STK36: variants seen among roughly 807,000 people sequenced by gnomAD.
STK36 encodes the protein serine/threonine kinase 36, also known as serine/threonine-protein kinase 36.
Under a neutral mutation model 142.2 loss-of-function variants are expected in STK36, and 116 were observed. That is an observed-to-expected ratio of 0.82 (90% CI 0.70 to 0.95). The LOEUF (loss-of-function observed/expected upper bound fraction) is 0.95, where lower values mean the gene tolerates loss of function less well. Ranked by LOEUF, STK36 falls within the 40% of genes least tolerant of loss-of-function variation. STK36 has a pLI of 0.00. For synonymous variants in STK36, 619 were observed against 641.7 expected, an observed-to-expected ratio of 0.96 and a Z score of 0.53; for missense variants, 1,422 against 1,617.2, an observed-to-expected ratio of 0.88 and a Z score of 2.07.
At position 218,679,250 on chromosome 2, in the gene STK36, G is replaced by C; in HGVS notation, c.767G>C (p.Gly256Ala). Residue 256 changes from glycine (G) to alanine (A), a missense_variant, in exon 7 of 27, where the codon GGT (glycine) becomes GCT (alanine). By Grantham distance (60) the Gly-to-Ala change is moderately conservative. Transcript: ENST00000295709. The stretch of plus-strand genomic sequence containing the variant: ...CTCTTATATCACCCCTTTATTGCTG[G>C]TCATGTCACCAGTGAGTCATCAGGG... Reference protein sequence around the residue: ...PDLLYHPFIAGHVTIITEPAG... With the variant: ...PDLLYHPFIAAHVTIITEPAG... 1 of 1,614,126 alleles carries C rather than the reference G, an allele frequency of 6.2e-7. No individual in the cohort carries two copies.
Position 218,697,899 on chromosome 2 carries a change from C to T in STK36, c.2955C>T (p.Cys985=). 6.2e-7 allele frequency: 1 copy of T among 1,614,182 alleles called. No homozygotes were observed. The highest frequency in any genetic ancestry group is 1.1e-5 in the South Asian group (1 of 91,080). The part of the protein sequence containing the change: ...EFLPVVVLSV[C]QLLCFPFALD... ...TCCCTGTCGTGGTGCTCTCTGTCTG[C>T]CAGCTCCTTTGCTTCCCCTTTGCGC... is the stretch of plus-strand genomic sequence containing the variant. The change falls in exon 25 of 27, where the codon TGC becomes TGT. Residue 985 remains cysteine (C), a synonymous_variant. Transcript: ENST00000295709.
rs1464999490 is a variant in STK36, at chr2:218,694,921, AC to A, written c.2511+289del. On this transcript the variant is annotated intron_variant, in intron 21 of 26. Transcript: ENST00000295709. This position sits in a 1 kb window ranked among gnomAD's most constrained non-coding sequence, Gnocchi z 4.4. ...CCTGAGTTTTCTGAGTAGTGTGAGA[AC>A]CCTGCCTGCTTCGTTCTCCTCCTCC... is the stretch of plus-strand genomic sequence containing the variant. Among the ~76,000 whole-genome samples, 1 of 151,930 alleles carries A rather than the reference AC, an allele frequency of 6.6e-6. No individual in the cohort carries two copies. Among genetic ancestry groups the A allele is most frequent in the Non-Finnish European group, 1.5e-5 (1 of 67,974 alleles).
Position 218,696,924 on chromosome 2 carries a change from G to A in STK36, c.2587-115G>A, listed in dbSNP as rs1941254754. On this transcript the variant is annotated intron_variant, in intron 22 of 26. Coordinates refer to ENST00000295709, the MANE Select transcript of STK36 (RefSeq NM_015690.5). ...CAGGGAAATACTAGGTGGGAAAGCG[G>A]AAGGAATTATTTCTGGGACTTCCTT... is the stretch of plus-strand genomic sequence containing the variant. The A allele has an allele frequency of 1.2e-5, 17 of 1,420,440 alleles. 1 individual carries two copies. In the South Asian group the frequency reaches 1.9e-4, roughly 15 times the overall value. The allele number at this position is 1,420,440 out of a possible 1,614,324, so 88.0% of individuals were successfully genotyped here.
At chr2:218,672,375 G>A in intron 1 of STK36, 160 bp downstream of exon 1, 1 of 314,072 alleles carries the variant, frequency 3.2e-6, no homozygotes, top group Non-Finnish European at 6.0e-6. Context: ...GGTGAGAGAG[G>A]GGCTCTGGCC....
At position 218,676,268 on chromosome 2, in the gene STK36, C is replaced by T; in HGVS notation, c.674C>T (p.Pro225Leu). 14 of 1,614,126 alleles carry T rather than the reference C, an allele frequency of 8.7e-6. No homozygotes were observed. Among genetic ancestry groups the T allele is most frequent in the Non-Finnish European group, 1.2e-5 (14 of 1,180,012 alleles). Reference protein sequence around the residue: ...DPVRWPSTISPCFKNFLQGLL... With the variant: ...DPVRWPSTISLCFKNFLQGLL... ...GTGCGCTGGCCCTCAACCATCAGTC[C>T]CTGCTTTAAGGTAATGAATATTGAA... Residue 225 changes from proline to leucine, a missense_variant, in exon 6 of 27, where the codon CCC becomes CTC. Transcript: ENST00000295709.
intron 5 of STK36, among the ~76,000 whole-genome samples, chr2:218,675,747 C>T (rs577478091): frequency 1.2e-3 from 181 of 152,224 alleles, no homozygotes; most frequent in African/African-American, 4.1e-3. Context: ...TGGTCTCGAA[C>T]TCCTGACCTC....
chr2:218,700,541 A>G (rs1365312610), intron 26 of STK36, among the ~76,000 whole-genome samples: 1 of 151,494 alleles, frequency 6.6e-6, no homozygotes, highest in African/African-American at 2.4e-5. Flanking sequence ...AGCTGGGATT[A>G]CAGGCACACA....
intron 13 of STK36, 78 bp downstream of exon 13, chr2:218,690,034 C>A: frequency 1.5e-6 from 2 of 1,316,850 alleles, no homozygotes; most frequent in Non-Finnish European, 1.1e-6. Flanking sequence ...CATTTAGGAA[C>A]AGGCCAAGTA....
At chr2:218,682,513 T>G (rs77152731) in intron 10 of STK36, among the ~76,000 whole-genome samples, 10,935 of 152,294 alleles carry the variant, frequency 0.072, 1,182 homozygotes, top group African/African-American at 0.24. Flanking sequence ...ATTCAAATTT[T>G]GCTAATTGCT....
At chr2:218,701,298 A>C (rs1941434299) in intron 26 of STK36, among the ~76,000 whole-genome samples, 1 of 147,018 alleles carries the variant, frequency 6.8e-6, no homozygotes, top group Admixed American at 6.6e-5. Flanking sequence ...CACCCAGCTA[A>C]TTTTTTGTAT....
At chr2:218,701,479 G>A (rs1941442018) in intron 26 of STK36, among the ~76,000 whole-genome samples, 1 of 152,108 alleles carries the variant, frequency 6.6e-6, no homozygotes, top group South Asian at 2.1e-4. Context: ...AATCCATGGG[G>A]AAAATAATTA....
At chr2:218,688,389 A>G (rs1024675982) in intron 11 of STK36, 1 of 535,552 alleles carries the variant, frequency 1.9e-6, no homozygotes, top group Non-Finnish European at 3.6e-6. Context: ...TTTGTTTTTA[A>G]GGTGAAGGGC....
At position 218,694,708 on chromosome 2, in the gene STK36, G is replaced by A; in HGVS notation, c.2511+73G>A. The A allele has an allele frequency of 1.5e-6, 2 of 1,299,768 alleles. No homozygotes were observed. The highest frequency in any genetic ancestry group is 2.2e-6 in the Non-Finnish European group (2 of 904,194). The allele number at this position is 1,299,768 out of a possible 1,614,324, so 80.5% of individuals were successfully genotyped here. Reference sequence around the variant, plus strand: ...ACTAGGACTGCATTCAAGGGGAAAAGACTGAAATGCCAGCAAGCCTGGAGT... The same window carrying A: ...ACTAGGACTGCATTCAAGGGGAAAAAACTGAAATGCCAGCAAGCCTGGAGT... On this transcript the variant is annotated intron_variant, in intron 21 of 26. Coordinates refer to ENST00000295709, the MANE Select transcript of STK36 (RefSeq NM_015690.5). This position sits in a 1 kb window ranked among gnomAD's most constrained non-coding sequence, Gnocchi z 4.4.
At chr2:218,676,706 TGGC>T (rs1940267813) in intron 6 of STK36, among the ~76,000 whole-genome samples, 1 of 151,162 alleles carries the variant, frequency 6.6e-6, no homozygotes, top group East Asian at 1.9e-4. Flanking sequence ...TGGAGTGTAG[TGGC>T]GTGATCTTGG....
chr2:218,688,114 T>G (rs896617568), intron 11 of STK36, among the ~76,000 whole-genome samples: 5 of 152,172 alleles, frequency 3.3e-5, no homozygotes, highest in Admixed American at 1.3e-4. Flanking sequence ...GAGCCAAGAT[T>G]GCACCATTAC....
intron 2 of STK36, chr2:218,673,311 T>A (rs1192075852): frequency 2.5e-6 from 1 of 406,570 alleles, no homozygotes; most frequent in Admixed American, 4.2e-5. Context: ...CCACTTGAAC[T>A]CTATTATTTC....
chr2:218,676,552 A>G (rs995916686), intron 6 of STK36, among the ~76,000 whole-genome samples: 1 of 152,080 alleles, frequency 6.6e-6, no homozygotes, highest in African/African-American at 2.4e-5. Flanking sequence ...ACGGAAAGCA[A>G]AGGGGAAACA....
chr2:218,694,600 G>A lies in STK36; in HGVS notation c.2476G>A (p.Ala826Thr). Residue 826 changes from alanine to threonine, a missense_variant, in exon 21 of 27, where the codon GCT becomes ACT. Transcript: ENST00000295709. This position sits in a 1 kb window ranked among gnomAD's most constrained non-coding sequence, Gnocchi z 4.4. ...TGACCTCCAGCCCATGGAATGGATGGCTGCAGCCACACATGCCTTGTCTGC... is the reference window on the plus strand; with the variant it reads ...TGACCTCCAGCCCATGGAATGGATGACTGCAGCCACACATGCCTTGTCTGC... ...TFDLQPMEWM[A>T]AATHALSAPA... is the part of the protein sequence containing the mutation. 1.2e-6 allele frequency: 2 copies of A among 1,614,238 alleles called. No individual in the cohort carries two copies. Among genetic ancestry groups the A allele is most frequent in the Non-Finnish European group, 1.7e-6 (2 of 1,180,038 alleles).
At position 218,673,474 on chromosome 2, in the gene STK36, T is replaced by C; in HGVS notation, c.85-151T>C. 11 of 1,118,634 alleles carry C rather than the reference T, an allele frequency of 9.8e-6. No individual in the cohort carries two copies. In the South Asian group the frequency reaches 1.9e-4, roughly 19 times the overall value. The allele number at this position is 1,118,634 out of a possible 1,614,324, so 69.3% of individuals were successfully genotyped here. On this transcript the variant is annotated intron_variant, in intron 2 of 26. Transcript: ENST00000295709. ...AAGCCTGGATAAGGCCAGGGTACCA[T>C]GGAGAAAATGGAAGCGGGAGACTAA... is the stretch of plus-strand genomic sequence containing the variant.
Sources: allele counts gnomAD v4.1 joint callset (sites outside exome capture counted in the v4.1 genomes callset), GRCh38; gene constraint gnomAD v4.1.1; non-coding constraint Gnocchi (gnomAD v3.1); transcripts MANE v1.5; gene names NCBI Gene and HGNC (gene_info 2026-07-23, HGNC 2026-07-21).